The following INSYN2B variants were observed in gnomAD, a reference collection of about 807,000 sequenced individuals.
The protein encoded by INSYN2B is protein INSYN2B.
In INSYN2B, 16 loss-of-function variants were observed where a neutral mutation model predicts 41.2. The ratio of observed to expected loss-of-function variants is 0.39; its 90% CI spans 0.26 to 0.59. INSYN2B has a LOEUF of 0.59. Among genes scored for constraint, INSYN2B ranks in the 20% least tolerant of loss-of-function variants. INSYN2B has a pLI of 0.57. For synonymous variants in INSYN2B, 245 were observed against 244.4 expected (o/e 1.00, Z -0.02); for missense variants, 608 against 646.4 (o/e 0.94, Z 0.64).
At chr5:169,958,157 A>T (rs1776942413) in intron 1 of INSYN2B, among the ~76,000 whole-genome samples, 1 of 152,182 alleles carries the variant, frequency 6.6e-6, no homozygotes, top group Admixed American at 6.5e-5. Flanking sequence ...TGTCAACTTG[A>T]TTATCTACCC....
chr5:169,945,182 G>C (rs1032164216), intron 1 of INSYN2B, among the ~76,000 whole-genome samples: 2 of 152,232 alleles, frequency 1.3e-5, no homozygotes, highest in Admixed American at 6.5e-5. Flanking sequence ...AAGCAGACAG[G>C]CTGGTTGTGC....
At chr5:169,968,698 C>A (rs1561857275) in intron 1 of INSYN2B, among the ~76,000 whole-genome samples, 1 of 152,074 alleles carries the variant, frequency 6.6e-6, no homozygotes, top group Admixed American at 6.5e-5. Context: ...AATTTTGACT[C>A]CCGCTAGTTA....
chr5:169,974,587 T>G (rs1192493384), intron 1 of INSYN2B, among the ~76,000 whole-genome samples: 1 of 152,192 alleles, frequency 6.6e-6, no homozygotes, highest in African/African-American at 2.4e-5. Flanking sequence ...TTACCCTGGA[T>G]GCACATGTTT....
At chr5:169,935,306 G>A (rs967317558) in intron 1 of INSYN2B, among the ~76,000 whole-genome samples, 6 of 152,170 alleles carry the variant, frequency 3.9e-5, no homozygotes, top group African/African-American at 1.4e-4. Context: ...ACCAAAAAAA[G>A]GTCTCATCTC....
intron 1 of INSYN2B, among the ~76,000 whole-genome samples, chr5:169,930,813 T>C (rs1775716677): frequency 6.6e-6 from 1 of 152,182 alleles, no homozygotes; most frequent in Non-Finnish European, 1.5e-5. Context: ...CTTGGTTTCT[T>C]TTCTTATGCT....
chr5:169,961,979 A>C (rs1338329940), intron 1 of INSYN2B, among the ~76,000 whole-genome samples: 3 of 79,300 alleles, frequency 3.8e-5, no homozygotes, highest in Non-Finnish European at 7.5e-5. Flanking sequence ...ACTCTGTCCC[A>C]AAAAAAAAAA....
At chr5:169,952,184 T>C (rs1474738120) in intron 1 of INSYN2B, among the ~76,000 whole-genome samples, 1 of 152,214 alleles carries the variant, frequency 6.6e-6, no homozygotes, top group African/African-American at 2.4e-5. Context: ...AAATCTCTCA[T>C]CTTTGCAAAT....
chr5:169,959,026 G>A (rs2113740674), intron 1 of INSYN2B, among the ~76,000 whole-genome samples: 1 of 152,260 alleles, frequency 6.6e-6, no homozygotes, highest in South Asian at 2.1e-4. Context: ...TTAAGCCTAG[G>A]ACTGGGCAGA....
chr5:169,863,113 A>G lies in INSYN2B; in HGVS notation c.*1160T>C, dbSNP rs918705657. Reference sequence around the variant, plus strand: ...CAGCCATGCAAGTTTGACTGGATCCACATGTATGTAGGTCTTGTCAACAGA... The same window carrying G: ...CAGCCATGCAAGTTTGACTGGATCCGCATGTATGTAGGTCTTGTCAACAGA... On this transcript the variant is annotated 3_prime_UTR_variant, in exon 4 of 4. Transcript: ENST00000377365. Among the ~76,000 whole-genome samples, 4 of 152,208 alleles carry G rather than the reference A, an allele frequency of 2.6e-5. No homozygotes were observed. Among genetic ancestry groups the G allele is most frequent in the African/African-American group, 9.6e-5 (4 of 41,454 alleles).
At chr5:169,924,102 C>T (rs926109133) in intron 1 of INSYN2B, among the ~76,000 whole-genome samples, 64 of 152,172 alleles carry the variant, frequency 4.2e-4, no homozygotes, top group Non-Finnish European at 1.8e-4. Flanking sequence ...GCTGTGCCCC[C>T]TGGAATCCAG....
chr5:169,946,325 G>A (rs541416739), intron 1 of INSYN2B, among the ~76,000 whole-genome samples: 3 of 152,328 alleles, frequency 2.0e-5, no homozygotes, highest in Admixed American at 2.0e-4. Flanking sequence ...GAAGTGGTGT[G>A]TTTGCTCTCT....
chr5:169,873,394 C>T (rs770567413), intron 3 of INSYN2B, among the ~76,000 whole-genome samples: 1 of 152,134 alleles, frequency 6.6e-6, no homozygotes, highest in Non-Finnish European at 1.5e-5. Flanking sequence ...TGGAGATGCT[C>T]GAGGGCATTG....
rs780876054 is a variant in INSYN2B, at chr5:169,864,350, C to T, written c.1531G>A (p.Glu511Lys). 2 of 1,551,576 alleles carry T rather than the reference C, an allele frequency of 1.3e-6. No individual in the cohort carries two copies. The highest frequency in any genetic ancestry group is 2.4e-5 in the South Asian group (2 of 84,056). The change falls in exon 4 of 4, where the codon GAA (glutamate) becomes AAA (lysine). Residue 511 changes from glutamate to lysine, a missense_variant. Glu to Lys is a moderately conservative substitution (Grantham distance 56). Coordinates refer to ENST00000377365, the MANE Select transcript of INSYN2B (RefSeq NM_001129891.3). The stretch of plus-strand genomic sequence containing the variant: ...TCCTGCTTTTCCGGGGCTGGGGGTT[C>T]TGCTGGGGACTTTGGTGGGGGCGAT... ...EASPPPKSPA[E>K]PPAPEKQDLR...
intron 1 of INSYN2B, among the ~76,000 whole-genome samples, chr5:169,952,143 A>G (rs1245416077): frequency 6.6e-6 from 1 of 152,254 alleles, no homozygotes; most frequent in Non-Finnish European, 1.5e-5. Flanking sequence ...CTAAGAAAAC[A>G]GAAAGGAGGA....
chr5:169,953,249 C>T (rs1776736936), intron 1 of INSYN2B, among the ~76,000 whole-genome samples: 1 of 151,252 alleles, frequency 6.6e-6, no homozygotes, highest in South Asian at 2.1e-4. Context: ...AGGAGAATCA[C>T]TTGAACCCAG....
At chr5:169,879,598 G>A (rs1179820202) in intron 3 of INSYN2B, among the ~76,000 whole-genome samples, 1 of 152,236 alleles carries the variant, frequency 6.6e-6, no homozygotes, top group East Asian at 1.9e-4. Flanking sequence ...AACCAGGGGT[G>A]TAACTTAATT....
At chr5:169,867,267 A>G (rs1771626266) in intron 3 of INSYN2B, among the ~76,000 whole-genome samples, 1 of 152,186 alleles carries the variant, frequency 6.6e-6, no homozygotes, top group Admixed American at 6.5e-5. Context: ...TAGGCAGGTG[A>G]CAGGAGGACA....
At chr5:169,916,362 CT>C (rs1774875938) in intron 1 of INSYN2B, among the ~76,000 whole-genome samples, 1 of 152,198 alleles carries the variant, frequency 6.6e-6, no homozygotes, top group African/African-American at 2.4e-5. Flanking sequence ...TTTCATCAGG[CT>C]CATCAATGTC....
intron 1 of INSYN2B, among the ~76,000 whole-genome samples, chr5:169,895,633 A>G (rs1448970952): frequency 1.3e-5 from 2 of 151,864 alleles, no homozygotes; most frequent in Non-Finnish European, 2.9e-5. Context: ...CCTCCACGTT[A>G]CCTATTGTAA....
Sources: allele counts gnomAD v4.1 joint callset (sites outside exome capture counted in the v4.1 genomes callset), GRCh38; gene constraint gnomAD v4.1.1; transcripts MANE v1.5; gene names NCBI Gene and HGNC (gene_info 2026-07-23, HGNC 2026-07-21).